Variants in ASXL3 observed in about 807,000 individuals in gnomAD.
ASXL3 encodes the protein putative Polycomb group protein ASXL3.
A neutral mutation model predicts 170.6 loss-of-function variants in ASXL3; 34 were observed. The observed-to-expected ratio is 0.20, with a 90% CI of 0.15 to 0.27. The LOEUF (loss-of-function observed/expected upper bound fraction) is 0.27, where lower values mean the gene tolerates loss of function less well. Ranked by LOEUF, ASXL3 falls within the 10% of genes least tolerant of loss-of-function variation. The pLI, the probability that ASXL3 is intolerant of heterozygous loss-of-function variation, is 1.00. For synonymous variants in ASXL3, 1,002 were observed against 989.1 expected, an observed-to-expected ratio of 1.01 and a Z score of -0.24; for missense variants, 2,592 against 2,695.3, an observed-to-expected ratio of 0.96 and a Z score of 0.85.
chr18:33,606,096 CTCTTTCCT>C (rs1193138375), intron 1 of ASXL3, among the ~76,000 whole-genome samples: 1 of 151,808 alleles, frequency 6.6e-6, no homozygotes, highest in Admixed American at 6.6e-5. Context: ...TGCTCTTCTA[CTCTTTCCT>C]TCTTTACAGC....
rs1367003249 is a variant in ASXL3, at chr18:33,671,919, CAAAT to C, written c.715+58_715+61del. 26 of 1,415,122 alleles carry C rather than the reference CAAAT, an allele frequency of 1.8e-5. No individual in the cohort carries two copies. The East Asian group carries it at 3.1e-4, about 17-fold the overall frequency. The allele number at this position is 1,415,122 out of a possible 1,614,324, so 87.7% of individuals were successfully genotyped here. On this transcript the variant is annotated intron_variant, in intron 7 of 11. Transcript: ENST00000269197. ...CACATTTTAGAAATTTGTGTTTTCTCAAATAAATTATCTAAAATTTTCAGAACAT... is the reference window on the plus strand; with the variant it reads ...CACATTTTAGAAATTTGTGTTTTCTCAAATTATCTAAAATTTTCAGAACAT...
chr18:33,618,053 A>G (rs1283318007), intron 2 of ASXL3, among the ~76,000 whole-genome samples: 1 of 152,188 alleles, frequency 6.6e-6, no homozygotes, highest in Non-Finnish European at 1.5e-5. Context: ...AATGCAGAAC[A>G]GTTGATATGC....
rs2067719484 is a variant in ASXL3, at chr18:33,744,052, G to T, written c.4204G>T (p.Ala1402Ser). 1 of 1,614,034 alleles carries T rather than the reference G, an allele frequency of 6.2e-7. No individual in the cohort carries two copies. The highest frequency in any genetic ancestry group is 2.2e-5 in the East Asian group (1 of 44,886). The change falls in exon 12 of 12, where the codon GCG (alanine) becomes TCG (serine). Residue 1402 changes from alanine (A) to serine (S), a missense_variant. By Grantham distance (99) the Ala-to-Ser change is moderately conservative. Transcript: ENST00000269197. ...AGCCCTCAGCTGCAGTGATTCTGTA[G>T]CGGTCACAGACTCTCTGGTTGCACA... ...RAALSCSDSV[A>S]VTDSLVAHPT... is the part of the protein sequence containing the mutation.
intron 8 of ASXL3, among the ~76,000 whole-genome samples, chr18:33,705,913 C>T (rs1213017966): frequency 1.3e-5 from 2 of 151,774 alleles, no homozygotes; most frequent in Non-Finnish European, 3.0e-5. Flanking sequence ...TTAGTTAATA[C>T]CCACACAAAA....
chr18:33,584,265 G>C (rs966089410), intron 1 of ASXL3, among the ~76,000 whole-genome samples: 3 of 152,120 alleles, frequency 2.0e-5, no homozygotes, highest in Admixed American at 2.0e-4. Context: ...GAAGACTTGG[G>C]GGGGCATAGG....
At chr18:33,588,418 T>C (rs1265334907) in intron 1 of ASXL3, among the ~76,000 whole-genome samples, 1 of 151,138 alleles carries the variant, frequency 6.6e-6, no homozygotes, top group East Asian at 1.9e-4. Flanking sequence ...ATCTGGAGAA[T>C]GAGGCCTGAT....
intron 2 of ASXL3, among the ~76,000 whole-genome samples, chr18:33,612,531 ATTTAT>A (rs1384745548): frequency 5.3e-5 from 8 of 151,996 alleles, no homozygotes; most frequent in Admixed American, 2.0e-4. Flanking sequence ...TAACTCTGGA[ATTTAT>A]TTTTACCTCA....
chr18:33,582,307 T>C (rs2065000402), intron 1 of ASXL3, among the ~76,000 whole-genome samples: 1 of 152,208 alleles, frequency 6.6e-6, no homozygotes, highest in Admixed American at 6.5e-5. Context: ...TTCATGCTTC[T>C]TTGTAAAAAA....
rs1258769771 is a variant in ASXL3 at position 33,747,886 on chromosome 18, TG to T, written c.*1292del. The T allele has an allele frequency of 1.3e-5, 2 of 152,212 alleles. No homozygotes were observed. Among genetic ancestry groups the T allele is most frequent in the African/African-American group, 2.4e-5 (1 of 41,462 alleles). 9.4% of individuals were successfully genotyped at this position (152,212 alleles called of 1,614,324 possible). A position where few individuals can be genotyped will look rare whatever the true frequency, so the allele number is the denominator to read the frequency against. Reference sequence around the variant, plus strand: ...CAGTGTGCATCCAGTAAAGTCTGCGTGTTGAGTATTTGAGCTACATTCCATA... The same window carrying T: ...CAGTGTGCATCCAGTAAAGTCTGCGTTTGAGTATTTGAGCTACATTCCATA... On this transcript the variant is annotated 3_prime_UTR_variant, in exon 12 of 12. Transcript: ENST00000269197.
intron 4 of ASXL3, among the ~76,000 whole-genome samples, chr18:33,651,505 A>G (rs899608852): frequency 2.0e-5 from 3 of 151,926 alleles, no homozygotes; most frequent in African/African-American, 7.3e-5. Flanking sequence ...CTGTTTTGCT[A>G]TTTTATTCAT....
chr18:33,689,617 C>G (rs2066655820), intron 8 of ASXL3, among the ~76,000 whole-genome samples: 1 of 152,108 alleles, frequency 6.6e-6, no homozygotes, highest in Non-Finnish European at 1.5e-5. Context: ...GATTATGTAC[C>G]TTTGGGAGAA....
In ASXL3 at chr18:33,672,963, T is replaced by C. The variant is rs76936159; in HGVS notation, c.715+1097T>C. On this transcript the variant is annotated intron_variant, in intron 7 of 11. Transcript: ENST00000269197. ...CTTTAAATATAGCATACTTCTTTGT[T>C]TTGCATTATTTTAAGGCCAAATAAT... 3.0e-3 allele frequency among the ~76,000 whole-genome samples: 461 copies of C among 152,284 alleles called. 3 individuals carry two copies. Among genetic ancestry groups the C allele is most frequent in the African/African-American group, 0.011 (446 of 41,546 alleles).
chr18:33,662,602 T>C (rs1248893783), intron 5 of ASXL3, among the ~76,000 whole-genome samples: 1 of 152,128 alleles, frequency 6.6e-6, no homozygotes, highest in African/African-American at 2.4e-5. Context: ...CGTATGATGA[T>C]AACACAAAGA....
At chr18:33,701,798 TTTA>T (rs1420037151) in intron 8 of ASXL3, among the ~76,000 whole-genome samples, 1 of 152,114 alleles carries the variant, frequency 6.6e-6, no homozygotes, top group Non-Finnish European at 1.5e-5. Context: ...AAACATTTTT[TTTA>T]TTATTTTCTT....
Position 33,743,434 on chromosome 18 carries a change from A to G in ASXL3, c.3586A>G (p.Thr1196Ala), listed in dbSNP as rs1446376274. 6.2e-7 allele frequency: 1 copy of G among 1,613,474 alleles called. No homozygotes were observed. The highest frequency in any genetic ancestry group is 8.5e-7 in the Non-Finnish European group (1 of 1,179,868). The change falls in exon 12 of 12, where the codon ACT becomes GCT. Residue 1196 changes from threonine to alanine, a missense_variant. Thr to Ala is a moderately conservative substitution (Grantham distance 58). Transcript: ENST00000269197. ...CCCAAGTAAACTTCCAGAAACTGCC[A>G]CTGACTTATCTGTGCATAGTTCTGA... ...LNPSKLPETA[T>A]DLSVHSSDEN...
Position 33,630,386 on chromosome 18 carries a change from CT to C in ASXL3, c.138-14498del, listed in dbSNP as rs148544603. 1.1e-4 allele frequency among the ~76,000 whole-genome samples: 16 copies of C among 148,158 alleles called. No homozygotes were observed. In the East Asian group the frequency reaches 1.2e-3, roughly 11 times the overall value. ...TTCAGTTTACTACAGAAACCTATGG[CT>C]TTTTTTTTTCTAGAAAGCTTATGTT... On this transcript the variant is annotated intron_variant, in intron 2 of 11. Transcript: ENST00000269197.
At chr18:33,645,185 A>G (rs2065900089) in intron 3 of ASXL3, among the ~76,000 whole-genome samples, 183 bp downstream of exon 3, 1 of 152,032 alleles carries the variant, frequency 6.6e-6, no homozygotes, top group Admixed American at 6.6e-5. Flanking sequence ...TAAGGAAAGC[A>G]TATCTGTGGT....
In ASXL3 at chr18:33,739,638, G is replaced by A; in HGVS notation, c.2234G>A (p.Ser745Asn). ...LLTSETTFVS[S>N]LPLPSETSPI... ...ACCTCTGAGACCACTTTTGTATCCA[G>A]TTTGCCACTTCCTTCAGAAACATCT... Residue 745 changes from serine to asparagine, a missense_variant, in exon 11 of 12, where the codon AGT becomes AAT. By Grantham distance (46) the Ser-to-Asn change is conservative (BLOSUM62 1). Around this residue, in one of 4 missense-constraint regions of ASXL3, gnomAD observed 2,246 missense variants for 2,219.6 expected, o/e 1.01. Transcript: ENST00000269197. 6.2e-7 allele frequency: 1 copy of A among 1,613,812 alleles called. No homozygotes were observed. The highest frequency in any genetic ancestry group is 8.5e-7 in the Non-Finnish European group (1 of 1,179,820).
Position 33,744,472 on chromosome 18 carries a change from G to C in ASXL3, c.4624G>C (p.Ala1542Pro). Residue 1542 changes from alanine (A) to proline (P), a missense_variant, in exon 12 of 12, where the codon GCT becomes CCT. Around this residue, in one of 4 missense-constraint regions of ASXL3, gnomAD observed 2,246 missense variants for 2,219.6 expected, o/e 1.01. Coordinates refer to ENST00000269197, the MANE Select transcript of ASXL3 (RefSeq NM_030632.3). ...AGATCACAGTTCCACTTTCATTGCTGCTTCGGCAGCAAAACAAGACAGTAA... is the reference window on the plus strand; with the variant it reads ...AGATCACAGTTCCACTTTCATTGCTCCTTCGGCAGCAAAACAAGACAGTAA... ...GIDHSSTFIA[A>P]SAAKQDSKTL... The C allele has an allele frequency of 6.2e-7, 1 of 1,613,130 alleles. No individual in the cohort carries two copies. The highest frequency in any genetic ancestry group is 8.5e-7 in the Non-Finnish European group (1 of 1,179,742).
Sources: allele counts gnomAD v4.1 joint callset (sites outside exome capture counted in the v4.1 genomes callset), GRCh38; gene constraint gnomAD v4.1.1; regional missense constraint gnomAD v4.1.1; transcripts MANE v1.5; gene names NCBI Gene and HGNC (gene_info 2026-07-23, HGNC 2026-07-21).